The following CTSA variants were observed in gnomAD, a reference collection of about 807,000 sequenced individuals.
CTSA encodes the protein cathepsin A, also known as lysosomal protective protein.
A neutral mutation model predicts 66.7 loss-of-function variants in CTSA; 42 were observed. The observed-to-expected ratio is 0.63, with a 90% CI of 0.49 to 0.81. CTSA has a LOEUF of 0.81. Among genes scored for constraint, CTSA ranks in the 40% least tolerant of loss-of-function variants. CTSA has a pLI of 0.00. For synonymous variants in CTSA, 225 were observed against 248.6 expected (o/e 0.91, Z 0.89); for missense variants, 525 against 610.9 (o/e 0.86, Z 1.48).
Position 45,898,084 on chromosome 20 carries a change from C to A in CTSA, c.1334C>A (p.Ser445Tyr). 3 of 1,613,996 alleles carry A rather than the reference C, an allele frequency of 1.9e-6. No individual in the cohort carries two copies. Among genetic ancestry groups the A allele is most frequent in the Non-Finnish European group, 2.5e-6 (3 of 1,179,962 alleles). The change falls in exon 14 of 15, where the codon TCC (serine) becomes TAC (tyrosine). Residue 445 changes from serine to tyrosine, a missense_variant. Around this residue, in one of 3 missense-constraint regions of CTSA, gnomAD observed 274 missense variants for 321.1 expected, o/e 0.85. Transcript: ENST00000646241. This position sits in a 1 kb window ranked among gnomAD's most constrained non-coding sequence, Gnocchi z 4.6. Reference protein sequence around the residue: ...EQIAGFVKEFSHIAFLTIKGA... With the variant: ...EQIAGFVKEFYHIAFLTIKGA... Reference sequence around the variant, plus strand: ...ATTGCCGGCTTCGTGAAGGAGTTCTCCCACATCGCCTTTCTCACGATCAAG... The same window carrying A: ...ATTGCCGGCTTCGTGAAGGAGTTCTACCACATCGCCTTTCTCACGATCAAG...
At chr20:45,897,168 G>A in intron 12 of CTSA, 128 bp downstream of exon 12, 1 of 811,404 alleles carries the variant, frequency 1.2e-6, no homozygotes, top group Non-Finnish European at 2.1e-6. Flanking sequence ...GAAGCCCAGG[G>A]TCCTGTGATT....
rs992029185 is a variant in CTSA, at chr20:45,894,217, G to A, written c.777+145G>A. ...CAATTTAGTGTTCTCTGGGACATGT[G>A]TCTAAGTGTGTATTCCCACCACCAC... On this transcript the variant is annotated intron_variant, in intron 8 of 14. Transcript: ENST00000646241. 9.7e-6 allele frequency: 7 copies of A among 718,688 alleles called. No individual in the cohort carries two copies. The African/African-American group carries it at 1.0e-4, about 11-fold the overall frequency. 44.5% of individuals were successfully genotyped at this position (718,688 alleles called of 1,614,324 possible). A position where few individuals can be genotyped will look rare whatever the true frequency, so the allele number is the denominator to read the frequency against.
chr20:45,894,442 G>A (rs768346103), intron 8 of CTSA: 74 of 637,500 alleles, frequency 1.2e-4, no homozygotes, highest in Non-Finnish European at 1.6e-4. Context: ...TGAAATCACT[G>A]TCTGAAGTCA....
rs1053560945 is a variant in CTSA at position 45,891,551 on chromosome 20, C to G, written c.1-18C>G. The G allele has an allele frequency of 3.1e-6, 5 of 1,596,642 alleles. No individual in the cohort carries two copies. Among genetic ancestry groups the G allele is most frequent in the African/African-American group, 2.7e-5 (2 of 74,532 alleles). On this transcript the variant is annotated intron_variant, in intron 1 of 14. Coordinates refer to ENST00000646241, the MANE Select transcript of CTSA (RefSeq NM_000308.4). The surrounding 1 kb of genome is among the most constrained non-coding windows in gnomAD (Gnocchi z 4.6). ...GCGCTGAGGAGCGAGTCAACAGCCC[C>G]TCTGCTGCCTCCCGTAGATGATCCG...
chr20:45,897,140 G>A (rs1314399239), intron 12 of CTSA, 100 bp downstream of exon 12: 2 of 1,006,346 alleles, frequency 2.0e-6, no homozygotes, highest in African/African-American at 3.2e-5. Context: ...GACAAGGGAA[G>A]CTGAAACTCC....
In CTSA at chr20:45,892,042, G is replaced by A; in HGVS notation, c.306+15G>A. On this transcript the variant is annotated intron_variant, in intron 3 of 14. Transcript: ENST00000646241. Reference sequence around the variant, plus strand: ...GCCCCTTCCTGGTGAGTGGACAGCAGGGGGAAAGCACAGTTCCCAAAGTAA... The same window carrying A: ...GCCCCTTCCTGGTGAGTGGACAGCAAGGGGAAAGCACAGTTCCCAAAGTAA... The A allele has an allele frequency of 1.2e-6, 2 of 1,604,556 alleles. No individual in the cohort carries two copies. The highest frequency in any genetic ancestry group is 2.2e-5 in the East Asian group (1 of 44,842).
In CTSA at chr20:45,898,761, G is replaced by A; in HGVS notation, c.*311G>A. On this transcript the variant is annotated 3_prime_UTR_variant, in exon 15 of 15. Transcript: ENST00000646241. This position sits in a 1 kb window ranked among gnomAD's most constrained non-coding sequence, Gnocchi z 4.6. ...AGAGCTCAGGACAGCCCACAGGGAG[G>A]TGGTGGACGGACTGTAATTGATAGA... The A allele has an allele frequency of 2.7e-6, 2 of 751,764 alleles. No homozygotes were observed. The highest frequency in any genetic ancestry group is 4.3e-6 in the Non-Finnish European group (2 of 466,438). 46.6% of individuals were successfully genotyped at this position (751,764 alleles called of 1,614,324 possible).
rs756963429 is a variant in CTSA at position 45,898,478 on chromosome 20, G to A, written c.*28G>A. 6 of 1,604,380 alleles carry A rather than the reference G, an allele frequency of 3.7e-6. No homozygotes were observed. Among genetic ancestry groups the A allele is most frequent in the Non-Finnish European group, 5.1e-6 (6 of 1,172,108 alleles). On this transcript the variant is annotated 3_prime_UTR_variant, in exon 15 of 15. Transcript: ENST00000646241. The surrounding 1 kb of genome is among the most constrained non-coding windows in gnomAD (Gnocchi z 4.6). ...ACCACAGCAACCAGCTCCACGGCCT[G>A]ATGCAGCCCCTCCCAGCCTCTCCCG...
Position 45,898,182 on chromosome 20 carries a change from G to C in CTSA, c.1359+73G>C. 1 of 1,529,230 alleles carries C rather than the reference G, an allele frequency of 6.5e-7. No individual in the cohort carries two copies. The highest frequency in any genetic ancestry group is 1.4e-5 in the African/African-American group (1 of 73,264). The allele number at this position is 1,529,230 out of a possible 1,614,324, so 94.7% of individuals were successfully genotyped here. On this transcript the variant is annotated intron_variant, in intron 14 of 14. Coordinates refer to ENST00000646241, the MANE Select transcript of CTSA (RefSeq NM_000308.4). This position sits in a 1 kb window ranked among gnomAD's most constrained non-coding sequence, Gnocchi z 4.6. The stretch of plus-strand genomic sequence containing the variant: ...CAGGACCCACCCGTCCTTTCCCTCT[G>C]GCTGCCTTTTAGGCTGGGTCATGGG...
Position 45,898,296 on chromosome 20 carries a change from G to T in CTSA, c.1360-71G>T, listed in dbSNP as rs1005590641. The stretch of plus-strand genomic sequence containing the variant: ...ATAAAGGGTTTGGGATGAAGGAATT[G>T]CCCCCGAGTGAGCAGTTATATGGGG... On this transcript the variant is annotated intron_variant, in intron 14 of 14. Transcript: ENST00000646241. The surrounding 1 kb of genome is among the most constrained non-coding windows in gnomAD (Gnocchi z 4.6). 5 of 1,413,768 alleles carry T rather than the reference G, an allele frequency of 3.5e-6. No individual in the cohort carries two copies. The highest frequency in any genetic ancestry group is 4.0e-6 in the Non-Finnish European group (4 of 1,011,828). The allele number at this position is 1,413,768 out of a possible 1,614,324, so 87.6% of individuals were successfully genotyped here.
rs747650465 is a variant in CTSA, at chr20:45,893,970, C to T, written c.693-18C>T. 47 of 1,549,582 alleles carry T rather than the reference C, an allele frequency of 3.0e-5. 1 individual carries two copies. The highest frequency in any genetic ancestry group is 1.4e-5 in the African/African-American group (1 of 73,478). On this transcript the variant is annotated intron_variant, in intron 7 of 14. Coordinates refer to ENST00000646241, the MANE Select transcript of CTSA (RefSeq NM_000308.4). Reference sequence around the variant, plus strand: ...TCCCACCAGCAGCTGATGCGCTTTTCACTCTCATCTCCTACAGGCTTTGGT... The same window carrying T: ...TCCCACCAGCAGCTGATGCGCTTTTTACTCTCATCTCCTACAGGCTTTGGT...
intron 11 of CTSA, chr20:45,896,754 ATGG>A (rs1754967892): frequency 3.3e-6 from 2 of 603,442 alleles, no homozygotes; most frequent in Non-Finnish European, 6.0e-6. Context: ...ACCTTTCTAA[ATGG>A]TGGTGAGTTG....
chr20:45,897,684 C>A, intron 12 of CTSA, 33 bp from the exon 13 acceptor site: 1 of 1,360,752 alleles, frequency 7.3e-7, no homozygotes, highest in Non-Finnish European at 1.1e-6. Flanking sequence ...GGGCTTGTTC[C>A]ACACCCCTCA....
chr20:45,894,990 C>T lies in CTSA; in HGVS notation c.949-4C>T. On this transcript the variant is annotated splice_polypyrimidine_tract_variant and splice_region_variant and intron_variant, in intron 10 of 14. Coordinates refer to ENST00000646241, the MANE Select transcript of CTSA (RefSeq NM_000308.4). ...GGCCCTGACCCACTGTCTGTGCCTT[C>T]CAGGCACTGCTGCGCTCAGGGGATA... 1.9e-6 allele frequency: 3 copies of T among 1,614,134 alleles called. No homozygotes were observed. In the South Asian group the frequency reaches 3.3e-5, roughly 18 times the overall value.
chr20:45,898,699 C>T lies in CTSA; in HGVS notation c.*249C>T. 1 of 658,560 alleles carries T rather than the reference C, an allele frequency of 1.5e-6. No individual in the cohort carries two copies. The highest frequency in any genetic ancestry group is 2.6e-6 in the Non-Finnish European group (1 of 379,042). 40.8% of individuals were successfully genotyped at this position (658,560 alleles called of 1,614,324 possible). A position where few individuals can be genotyped will look rare whatever the true frequency, so the allele number is the denominator to read the frequency against. On this transcript the variant is annotated 3_prime_UTR_variant, in exon 15 of 15. Coordinates refer to ENST00000646241, the MANE Select transcript of CTSA (RefSeq NM_000308.4). The surrounding 1 kb of genome is among the most constrained non-coding windows in gnomAD (Gnocchi z 4.6). ...GGCCCCTTCTCTGCTTAAAGAATGC[C>T]CTTTATGATGCACTGATTCCATCCC...
chr20:45,897,550 T>C (rs2083123924), intron 12 of CTSA, 167 bp from the exon 13 acceptor site: 1 of 635,492 alleles, frequency 1.6e-6, no homozygotes, highest in African/African-American at 1.8e-5. Context: ...ATAAAACATT[T>C]AGTAGAATAC....
intron 8 of CTSA, 125 bp downstream of exon 8, chr20:45,894,197 T>C (rs893529752): frequency 2.6e-6 from 2 of 769,820 alleles, no homozygotes; most frequent in African/African-American, 3.4e-5. Flanking sequence ...TTAAGCAATT[T>C]AGTGTTCTCT....
chr20:45,892,764 C>T lies in CTSA; in HGVS notation c.484C>T (p.Arg162Cys), dbSNP rs150665171. ...SNFEALQDFF[R>C]LFPEYKNNKL... ...TTTTGAGGCCCTTCAAGATTTCTTC[C>T]GCCTCTTTCCGGAGTACAAGAACAA... The change falls in exon 6 of 15, where the codon CGC becomes TGC. Residue 162 changes from arginine to cysteine, a missense_variant. By Grantham distance (180) the Arg-to-Cys change is radical. Around this residue, in one of 3 missense-constraint regions of CTSA, gnomAD observed 246 missense variants for 267.4 expected, o/e 0.92. Transcript: ENST00000646241. 1.4e-5 allele frequency: 22 copies of T among 1,614,086 alleles called. No individual in the cohort carries two copies. Among genetic ancestry groups the T allele is most frequent in the African/African-American group, 2.7e-5 (2 of 74,926 alleles).
chr20:45,892,413 T>C lies in CTSA; in HGVS notation c.373T>C (p.Tyr125His), dbSNP rs764302467. The C allele has an allele frequency of 3.1e-6, 5 of 1,614,234 alleles. No individual in the cohort carries two copies. The South Asian group carries it at 5.5e-5, about 18-fold the overall frequency. The change falls in exon 5 of 15, where the codon TAC (tyrosine) becomes CAC (histidine). Residue 125 changes from tyrosine to histidine, a missense_variant. Physicochemically the swap from Tyr to His is moderately conservative, Grantham distance 83. Coordinates refer to ENST00000646241, the MANE Select transcript of CTSA (RefSeq NM_000308.4). ...TCCCCTCTAGATTGCCAATGTGTTA[T>C]ACCTGGAGTCCCCAGCTGGGGTGGG... ...YSWNLIANVL[Y>H]LESPAGVGFS...
Sources: gnomAD v4.1 joint callset for allele counts on GRCh38, gnomAD v4.1.1 for gene constraint, gnomAD v4.1.1 regional missense constraint, Gnocchi (gnomAD v3.1) non-coding constraint, MANE v1.5 for transcripts, NCBI Gene and HGNC (gene_info 2026-07-23, HGNC 2026-07-21) for gene names.